Variants in RYR2 observed in about 807,000 individuals in gnomAD.
The protein encoded by RYR2 is cardiac muscle ryanodine receptor-calcium release channel.
Under a neutral mutation model 601.1 loss-of-function variants are expected in RYR2, and 227 were observed. The observed-to-expected ratio is 0.38, with a 90% CI of 0.34 to 0.42. The LOEUF is 0.42. RYR2 is among the 10% of genes least tolerant of loss of function. The pLI is 1.00. For synonymous variants in RYR2, 2,223 were observed against 2,175.1 expected (o/e 1.02, Z -0.61); for missense variants, 4,646 against 6,156.5 (o/e 0.75, Z 8.21).
chr1:237,590,111 C>T (rs1674984892), intron 30 of RYR2, 110 bp downstream of exon 30: 13 of 990,406 alleles, frequency 1.3e-5, no homozygotes, highest in Non-Finnish European at 1.6e-5. Context: ...AAAATGATGA[C>T]CTTGATGTGT....
chr1:237,578,077 T>C (rs914690444), intron 29 of RYR2, among the ~76,000 whole-genome samples: 1 of 152,150 alleles, frequency 6.6e-6, no homozygotes, highest in Non-Finnish European at 1.5e-5. Flanking sequence ...CCCAAAGTGC[T>C]GGGATTACAG....
At position 237,723,002 on chromosome 1, in the gene RYR2, A is replaced by C. The variant is rs1340481075; in HGVS notation, c.10555-126A>C. On this transcript the variant is annotated intron_variant, in intron 73 of 104. Coordinates refer to ENST00000366574, the MANE Select transcript of RYR2 (RefSeq NM_001035.3). ...TCCTACATAACTGCAGCTGCGCGTC[A>C]TGTCTTAACTGGTAAACACTGTAAA... The C allele has an allele frequency of 5.5e-6, 4 of 733,776 alleles. No individual in the cohort carries two copies. The East Asian group carries it at 1.0e-4, about 19-fold the overall frequency. 45.5% of individuals were successfully genotyped at this position (733,776 alleles called of 1,614,324 possible). A position where few individuals can be genotyped will look rare whatever the true frequency, so the allele number is the denominator to read the frequency against.
chr1:237,370,303 A>G (rs1045665714), intron 6 of RYR2, among the ~76,000 whole-genome samples: 1 of 152,164 alleles, frequency 6.6e-6, no homozygotes. Context: ...TCAAAAGATA[A>G]CTATTAATAT....
intron 10 of RYR2, among the ~76,000 whole-genome samples, chr1:237,401,570 C>A (rs1256931294): frequency 6.6e-6 from 1 of 152,034 alleles, no homozygotes; most frequent in Non-Finnish European, 1.5e-5. Flanking sequence ...GAATGCAGAG[C>A]TTCTCGTTCC....
chr1:237,760,455 A>G (rs1693332806), intron 83 of RYR2, among the ~76,000 whole-genome samples: 1 of 150,250 alleles, frequency 6.7e-6, no homozygotes. Context: ...TGAGTTGTGT[A>G]TGCTTTTTTA....
chr1:237,222,717 G>A (rs2149145880), intron 1 of RYR2, among the ~76,000 whole-genome samples: 1 of 152,214 alleles, frequency 6.6e-6, no homozygotes, highest in East Asian at 1.9e-4. Context: ...TAGTCCAGTA[G>A]TACCGGCATT....
At position 237,783,869 on chromosome 1, in the gene RYR2, G is replaced by C; in HGVS notation, c.12157G>C (p.Glu4053Gln). 6.2e-7 allele frequency: 1 copy of C among 1,613,824 alleles called. No individual in the cohort carries two copies. Among genetic ancestry groups the C allele is most frequent in the Non-Finnish European group, 8.5e-7 (1 of 1,179,824 alleles). ...ISKRDFHKAMESHKHYTQSET... is the reference protein window; with the variant it reads ...ISKRDFHKAMQSHKHYTQSET... ...CAAGAGGGACTTCCACAAAGCGATG[G>C]AGAGCCATAAGCACTACACGCAGTC... The change falls in exon 90 of 105, where the codon GAG becomes CAG. Residue 4053 changes from glutamate to glutamine, a missense_variant. By Grantham distance (29) the Glu-to-Gln change is conservative. Around this residue, in one of 17 missense-constraint regions of RYR2, gnomAD observed 66 missense variants for 80.7 expected, o/e 0.82. Transcript: ENST00000366574.
At chr1:237,128,120 C>T (rs1317366580) in intron 1 of RYR2, among the ~76,000 whole-genome samples, 2 of 152,178 alleles carry the variant, frequency 1.3e-5, no homozygotes, top group Non-Finnish European at 2.9e-5. Context: ...AACGAGACTC[C>T]GTCTGCAATC....
rs928759971 is a variant in RYR2, at chr1:237,445,496, A to G, written c.1266A>G (p.Thr422=). The G allele has an allele frequency of 8.1e-6, 13 of 1,613,724 alleles. No homozygotes were observed. The highest frequency in any genetic ancestry group is 1.7e-5 in the Admixed American group (1 of 59,990). ...ESRTARVIRS[T]VFLFNRFIRG... ...GCACAGCCCGAGTTATCCGGAGCAC[A>G]GTCTTCCTTTTCAATAGATTTATAA... The change falls in exon 14 of 105, where the codon ACA becomes ACG. Residue 422 remains threonine, a synonymous_variant. Coordinates refer to ENST00000366574, the MANE Select transcript of RYR2 (RefSeq NM_001035.3).
chr1:237,618,832 T>C (rs1304071475), intron 38 of RYR2, among the ~76,000 whole-genome samples: 1 of 152,124 alleles, frequency 6.6e-6, no homozygotes, highest in Non-Finnish European at 1.5e-5. Context: ...ACAAGGCCCA[T>C]TTCTTCCAAA....
intron 13 of RYR2, among the ~76,000 whole-genome samples, chr1:237,443,567 A>G (rs1297997535): frequency 6.6e-6 from 1 of 152,224 alleles, no homozygotes; most frequent in Non-Finnish European, 1.5e-5. Context: ...ACCATAGTGT[A>G]TGATTCTTTT....
At chr1:237,059,783 A>T (rs1328612461) in intron 1 of RYR2, among the ~76,000 whole-genome samples, 3 of 152,190 alleles carry the variant, frequency 2.0e-5, no homozygotes, top group Non-Finnish European at 4.4e-5. Flanking sequence ...TATTGGATTG[A>T]CCACGGTTGA....
chr1:237,145,108 A>G (rs916053614), intron 1 of RYR2, among the ~76,000 whole-genome samples: 2 of 152,108 alleles, frequency 1.3e-5, no homozygotes, highest in Non-Finnish European at 2.9e-5. Context: ...ATTAGAAGAA[A>G]TACCTAATGT....
chr1:237,342,502 C>A (rs1043546598), intron 3 of RYR2, among the ~76,000 whole-genome samples: 1 of 152,016 alleles, frequency 6.6e-6, no homozygotes, highest in African/African-American at 2.4e-5. Flanking sequence ...TGAGAAGATA[C>A]ACTTTTTTGC....
chr1:237,408,562 C>T (rs1704137259), intron 10 of RYR2, among the ~76,000 whole-genome samples: 2 of 151,956 alleles, frequency 1.3e-5, no homozygotes, highest in African/African-American at 2.4e-5. Context: ...ACCAATACCA[C>T]ACTGTGTTGA....
intron 12 of RYR2, among the ~76,000 whole-genome samples, chr1:237,430,217 A>G (rs1356610896): frequency 6.6e-6 from 1 of 150,894 alleles, no homozygotes; most frequent in African/African-American, 2.4e-5. Context: ...TATGCATAAC[A>G]ATATATGTTG....
chr1:237,403,359 G>A (rs887634411), intron 10 of RYR2, among the ~76,000 whole-genome samples: 1 of 152,176 alleles, frequency 6.6e-6, no homozygotes, highest in South Asian at 2.1e-4. Flanking sequence ...GACATGGGAT[G>A]TAAGCTTAAA....
chr1:237,374,122 G>C (rs539489814), intron 6 of RYR2, among the ~76,000 whole-genome samples: 44 of 152,236 alleles, frequency 2.9e-4, no homozygotes, highest in African/African-American at 1.1e-3. Context: ...TTAAAAATCT[G>C]GGCTTTGTGC....
At chr1:237,829,617 T>G (rs1663548288) in intron 102 of RYR2, among the ~76,000 whole-genome samples, 1 of 152,204 alleles carries the variant, frequency 6.6e-6, no homozygotes, top group African/African-American at 2.4e-5. Flanking sequence ...TGATCGATTG[T>G]TCTCCCCAGT....
Sources: allele counts gnomAD v4.1 joint callset (sites outside exome capture counted in the v4.1 genomes callset), GRCh38; gene constraint gnomAD v4.1.1; regional missense constraint gnomAD v4.1.1; transcripts MANE v1.5; gene names NCBI Gene and HGNC (gene_info 2026-07-23, HGNC 2026-07-21).